Variants in SPOCK3 observed in about 807,000 individuals in gnomAD.
SPOCK3 encodes the protein testican-3.
A neutral mutation model predicts 56.6 loss-of-function variants in SPOCK3; 30 were observed. The observed-to-expected ratio is 0.53, with a 90% CI of 0.40 to 0.72. The LOEUF (loss-of-function observed/expected upper bound fraction) is 0.72. Ranked by LOEUF, SPOCK3 falls within the 30% of genes least tolerant of loss-of-function variation. The probability of loss-of-function intolerance (pLI) is 0.00; values close to 1 mark genes in which losing one functional copy is unlikely to be tolerated. For missense variants in SPOCK3, 527 were observed against 530.0 expected (o/e 0.99, Z 0.06); for synonymous variants, 196 against 183.3 (o/e 1.07, Z -0.56).
intron 2 of SPOCK3, among the ~76,000 whole-genome samples, chr4:167,218,563 G>A (rs1735589689): frequency 6.6e-6 from 1 of 152,080 alleles, no homozygotes; most frequent in Non-Finnish European, 1.5e-5. Context: ...AACTGCCTAT[G>A]CTTCTCAAAC....
chr4:167,059,783 A>G (rs1288583974), intron 3 of SPOCK3, among the ~76,000 whole-genome samples: 1 of 152,234 alleles, frequency 6.6e-6, no homozygotes, highest in South Asian at 2.1e-4. Context: ...CTGGATTAAG[A>G]AAATGTGGCA....
chr4:166,764,882 C>T (rs2126528914), intron 7 of SPOCK3, among the ~76,000 whole-genome samples: 1 of 151,548 alleles, frequency 6.6e-6, no homozygotes, highest in South Asian at 2.1e-4. Flanking sequence ...GATCACCATT[C>T]TAACTGGTGT....
intron 2 of SPOCK3, among the ~76,000 whole-genome samples, chr4:167,109,408 A>C (rs1438132890): frequency 2.3e-5 from 2 of 87,444 alleles, no homozygotes; most frequent in Admixed American, 1.9e-4. Context: ...TTTATATATA[A>C]ATATATATAT....
chr4:166,849,385 T>C (rs1715096730), intron 6 of SPOCK3, among the ~76,000 whole-genome samples: 1 of 152,156 alleles, frequency 6.6e-6, no homozygotes, highest in Admixed American at 6.5e-5. Context: ...ATTTGGTTGA[T>C]GCAAAAGTAA....
chr4:166,858,752 C>T (rs1362340665), intron 6 of SPOCK3, among the ~76,000 whole-genome samples: 2 of 152,072 alleles, frequency 1.3e-5, no homozygotes, highest in Non-Finnish European at 2.9e-5. Context: ...AGGTACTACA[C>T]GAGCAAAAAT....
At chr4:167,199,225 T>TTGTGTGTG (rs58765976) in intron 2 of SPOCK3, among the ~76,000 whole-genome samples, 2,500 of 142,024 alleles carry the variant, frequency 0.018, 66 homozygotes, top group African/African-American at 0.058. Flanking sequence ...AAATATTTGT[T>TTGTGTGTG]TGTGTGTGTG....
chr4:167,233,894 G>A (rs1481254984), intron 2 of SPOCK3, 91 bp downstream of exon 2: 3 of 1,122,914 alleles, frequency 2.7e-6, no homozygotes, highest in Non-Finnish European at 2.7e-6. Context: ...TCAGAAAACG[G>A]AGCCCACTCC....
At chr4:167,140,408 T>A (rs1309130592) in intron 2 of SPOCK3, among the ~76,000 whole-genome samples, 1 of 152,060 alleles carries the variant, frequency 6.6e-6, no homozygotes, top group Admixed American at 6.6e-5. Context: ...TTCACTGCAC[T>A]TAAAGTAATC....
chr4:166,954,497 C>T (rs1743139534), intron 4 of SPOCK3, among the ~76,000 whole-genome samples: 1 of 151,998 alleles, frequency 6.6e-6, no homozygotes, highest in Non-Finnish European at 1.5e-5. Context: ...GAGAGATGAG[C>T]ATCTAATTTT....
At chr4:166,983,872 T>C (rs1421034798) in intron 4 of SPOCK3, among the ~76,000 whole-genome samples, 1 of 152,072 alleles carries the variant, frequency 6.6e-6, no homozygotes, top group Non-Finnish European at 1.5e-5. Context: ...GGTAGTACCA[T>C]GTCTTACAGA....
Position 167,101,676 on chromosome 4 carries a change from T to C in SPOCK3, c.190-39139A>G, listed in dbSNP as rs531908990. On this transcript the variant is annotated intron_variant, in intron 2 of 10. Transcript: ENST00000357545. ...TCAATATGCTAATTCTCTAAATGCCTAAGACTCACCAGTATCTTCAATTCA... is the reference window on the plus strand; with the variant it reads ...TCAATATGCTAATTCTCTAAATGCCCAAGACTCACCAGTATCTTCAATTCA... 1.3e-3 allele frequency among the ~76,000 whole-genome samples: 203 copies of C among 151,376 alleles called. 1 individual carries two copies. Among genetic ancestry groups the C allele is most frequent in the Non-Finnish European group, 2.3e-3 (158 of 67,768 alleles).
At chr4:167,154,318 A>C (rs963107060) in intron 2 of SPOCK3, among the ~76,000 whole-genome samples, 1 of 152,050 alleles carries the variant, frequency 6.6e-6, no homozygotes, top group Non-Finnish European at 1.5e-5. Context: ...AAAGGGTTTG[A>C]GCAGCTCAAT....
chr4:167,054,883 T>C (rs1409313509), intron 3 of SPOCK3, among the ~76,000 whole-genome samples: 2 of 152,152 alleles, frequency 1.3e-5, no homozygotes, highest in Non-Finnish European at 2.9e-5. Flanking sequence ...ATGTAATCGA[T>C]ATGTTTATGT....
intron 2 of SPOCK3, among the ~76,000 whole-genome samples, chr4:167,147,533 C>A (rs1016234577): frequency 2.5e-4 from 38 of 152,198 alleles, no homozygotes; most frequent in African/African-American, 8.7e-4. Context: ...TGACACTGTT[C>A]GCAATAATGA....
intron 7 of SPOCK3, among the ~76,000 whole-genome samples, chr4:166,790,799 A>T (rs1741260860): frequency 6.6e-6 from 1 of 152,250 alleles, no homozygotes; most frequent in Admixed American, 6.5e-5. Flanking sequence ...TAGCGCAAGC[A>T]ATAAAAATGT....
At chr4:167,092,875 C>T (rs1758824972) in intron 2 of SPOCK3, among the ~76,000 whole-genome samples, 1 of 152,108 alleles carries the variant, frequency 6.6e-6, no homozygotes, top group South Asian at 2.1e-4. Flanking sequence ...AAATGTGTTC[C>T]ACCTTGTCAC....
intron 4 of SPOCK3, among the ~76,000 whole-genome samples, chr4:166,970,755 A>G (rs1481722850): frequency 2.0e-5 from 3 of 152,080 alleles, no homozygotes; most frequent in African/African-American, 7.2e-5. Flanking sequence ...AAACAGAGTA[A>G]CACAGGACTT....
intron 2 of SPOCK3, among the ~76,000 whole-genome samples, chr4:167,102,857 C>T (rs1248272607): frequency 1.4e-5 from 2 of 145,030 alleles, no homozygotes; most frequent in African/African-American, 5.1e-5. Flanking sequence ...ATGTGGGACA[C>T]CAGCCAGGAC....
At chr4:166,926,889 T>C (rs1334343924) in intron 4 of SPOCK3, among the ~76,000 whole-genome samples, 3 of 152,266 alleles carry the variant, frequency 2.0e-5, no homozygotes, top group Non-Finnish European at 4.4e-5. Flanking sequence ...AGTCTGTCTC[T>C]CTCGCGTTTC....
Sources: gnomAD v4.1 joint callset for allele counts (sites outside exome capture counted in the v4.1 genomes callset) on GRCh38, gnomAD v4.1.1 for gene constraint, MANE v1.5 for transcripts, NCBI Gene and HGNC (gene_info 2026-07-23, HGNC 2026-07-21) for gene names.